DLG2: variants seen among roughly 807,000 people sequenced by gnomAD.
DLG2 encodes the protein disks large homolog 2.
In DLG2, 45 loss-of-function variants were observed where a neutral mutation model predicts 132.5. That is an observed-to-expected ratio of 0.34 (90% confidence interval 0.27 to 0.44). The LOEUF is 0.44. Ranked by LOEUF, DLG2 falls within the 20% of genes least tolerant of loss-of-function variation. The pLI, the probability that DLG2 is intolerant of heterozygous loss-of-function variation, is 1.00. For synonymous variants in DLG2, 424 were observed against 419.6 expected, an observed-to-expected ratio of 1.01 and a Z score of -0.13; for missense variants, 1,045 against 1,196.9, an observed-to-expected ratio of 0.87 and a Z score of 1.87.
At chr11:85,252,188 T>C (rs1314049841) in intron 4 of DLG2, among the ~76,000 whole-genome samples, 1 of 152,130 alleles carries the variant, frequency 6.6e-6, no homozygotes, top group Non-Finnish European at 1.5e-5. Context: ...CTGGATAGAG[T>C]AACTAAAGTT....
intron 3 of DLG2, among the ~76,000 whole-genome samples, chr11:85,574,855 T>C (rs893105334): frequency 1.3e-5 from 2 of 152,144 alleles, no homozygotes; most frequent in African/African-American, 4.8e-5. Flanking sequence ...CTTTTCTTTA[T>C]AAATTACCCA....
chr11:83,809,305 C>T (rs796177663), intron 17 of DLG2, among the ~76,000 whole-genome samples: 8 of 152,220 alleles, frequency 5.3e-5, no homozygotes, highest in African/African-American at 1.9e-4. Flanking sequence ...ACTAAAATAG[C>T]AAAATTATCT....
intron 7 of DLG2, among the ~76,000 whole-genome samples, chr11:84,496,364 T>G (rs1168645681): frequency 1.3e-5 from 2 of 152,156 alleles, no homozygotes; most frequent in African/African-American, 4.8e-5. Context: ...ACAAAGCATC[T>G]GAGTTAGAGT....
In DLG2 at chr11:84,598,800, G is replaced by A. The variant is rs541406386; in HGVS notation, c.358-64069C>T. On this transcript the variant is annotated intron_variant, in intron 6 of 27. Transcript: ENST00000376104. The stretch of plus-strand genomic sequence containing the variant: ...ATTAAAAAAAAAAAAATTTAGCCGG[G>A]CATGGTGTCACATACATGTGGTCCC... Among the ~76,000 whole-genome samples, 135 of 151,976 alleles carry A rather than the reference G, an allele frequency of 8.9e-4. 2 individuals carry two copies. The highest frequency in any genetic ancestry group is 6.9e-3 in the South Asian group (33 of 4,796).
intron 3 of DLG2, among the ~76,000 whole-genome samples, chr11:85,536,654 G>A (rs76173711): frequency 0.16 from 24,269 of 152,204 alleles, 2,427 homozygotes; most frequent in East Asian, 0.27. Context: ...GGCTGCGTGC[G>A]GTGCTCACAG....
intron 7 of DLG2, chr11:84,317,388 G>A (rs1027993496): frequency 7.4e-7 from 1 of 1,359,754 alleles, no homozygotes; most frequent in Non-Finnish European, 9.5e-7. Flanking sequence ...AGAGCAACTT[G>A]ACAGTATCCC....
intron 3 of DLG2, among the ~76,000 whole-genome samples, chr11:85,507,046 T>C (rs1030538832): frequency 6.6e-6 from 1 of 152,210 alleles, no homozygotes. Flanking sequence ...CTGCATTTTT[T>C]GTTTTCCATT....
At chr11:84,243,015 CTCTA>C (rs1469624424) in intron 8 of DLG2, among the ~76,000 whole-genome samples, 7 of 140,248 alleles carry the variant, frequency 5.0e-5, no homozygotes, top group Non-Finnish European at 7.8e-5. Flanking sequence ...CTCTCTCTCT[CTCTA>C]TATATATATA....
intron 9 of DLG2, among the ~76,000 whole-genome samples, chr11:84,152,512 G>C (rs538305741): frequency 2.0e-5 from 3 of 150,940 alleles, no homozygotes; most frequent in Non-Finnish European, 4.4e-5. Context: ...TCAGCCTCCC[G>C]AGTAGCTGGG....
intron 19 of DLG2, among the ~76,000 whole-genome samples, chr11:83,627,745 G>A (rs1326651463): frequency 6.6e-6 from 1 of 152,154 alleles, no homozygotes. Context: ...GGGATGGCTA[G>A]GTCAAATGGT....
At chr11:85,478,450 T>A (rs1376826521) in intron 3 of DLG2, among the ~76,000 whole-genome samples, 1 of 152,068 alleles carries the variant, frequency 6.6e-6, no homozygotes, top group Non-Finnish European at 1.5e-5. Flanking sequence ...TATTTATTCA[T>A]AAAAAAAATT....
intron 19 of DLG2, among the ~76,000 whole-genome samples, chr11:83,569,040 C>G (rs906734253): frequency 1.3e-5 from 2 of 152,162 alleles, no homozygotes; most frequent in African/African-American, 4.8e-5. Flanking sequence ...TTGGTTTTCA[C>G]AACATCCCAG....
chr11:84,032,036 T>C (rs1211941440), intron 11 of DLG2, among the ~76,000 whole-genome samples: 2 of 152,150 alleles, frequency 1.3e-5, no homozygotes, highest in Non-Finnish European at 2.9e-5. Flanking sequence ...TAAATGTGTG[T>C]GTTCTTACTC....
chr11:84,410,503 G>T (rs1436556295), intron 7 of DLG2, among the ~76,000 whole-genome samples: 1 of 143,336 alleles, frequency 7.0e-6, no homozygotes, highest in African/African-American at 2.6e-5. Context: ...CCAAAAAAAA[G>T]AAAAAGTGTA....
At chr11:84,517,845 G>C (rs1429909623) in intron 7 of DLG2, among the ~76,000 whole-genome samples, 4 of 151,934 alleles carry the variant, frequency 2.6e-5, no homozygotes, top group African/African-American at 9.7e-5. Context: ...ACTGTCATTT[G>C]CCACAACATG....
At chr11:85,241,615 T>C (rs1249862459) in intron 4 of DLG2, among the ~76,000 whole-genome samples, 5 of 151,972 alleles carry the variant, frequency 3.3e-5, no homozygotes, top group Non-Finnish European at 7.4e-5. Context: ...AAAGTTCTGT[T>C]CTAACACAAA....
intron 6 of DLG2, among the ~76,000 whole-genome samples, chr11:84,977,703 G>C (rs188189028): frequency 1.7e-3 from 265 of 152,226 alleles, no homozygotes; most frequent in Non-Finnish European, 3.1e-3. Context: ...ATCACAATCA[G>C]TGACCCACTT....
chr11:84,510,373 A>T (rs905197367), intron 7 of DLG2, among the ~76,000 whole-genome samples: 10 of 152,084 alleles, frequency 6.6e-5, no homozygotes, highest in Non-Finnish European at 1.3e-4. Flanking sequence ...TGAGTTTAGA[A>T]ACAATAATCT....
intron 3 of DLG2, among the ~76,000 whole-genome samples, chr11:85,430,436 A>G (rs2091095356): frequency 6.6e-6 from 1 of 152,284 alleles, no homozygotes; most frequent in Non-Finnish European, 1.5e-5. Context: ...AAATTAGGAA[A>G]AAATCTAATT....
Sources: allele counts gnomAD v4.1 joint callset (sites outside exome capture counted in the v4.1 genomes callset), GRCh38; gene constraint gnomAD v4.1.1; transcripts MANE v1.5; gene names NCBI Gene and HGNC (gene_info 2026-07-23, HGNC 2026-07-21).